The following CRBN variants were observed in gnomAD, a reference collection of about 807,000 sequenced individuals.
CRBN encodes the protein cereblon.
A neutral mutation model predicts 62.2 loss-of-function variants in CRBN; 53 were observed. The ratio of observed to expected loss-of-function variants is 0.85; its 90% confidence interval spans 0.68 to 1.07. CRBN has a LOEUF of 1.07. CRBN is among the 50% of genes least tolerant of loss of function. The pLI is 0.00. For synonymous variants in CRBN, 208 were observed against 176.1 expected, an observed-to-expected ratio of 1.18 and a Z score of -1.43; for missense variants, 616 against 531.1, an observed-to-expected ratio of 1.16 and a Z score of -1.57.
At chr3:3,160,489 C>T (rs1045778066) in intron 5 of CRBN, among the ~76,000 whole-genome samples, 7 of 152,178 alleles carry the variant, frequency 4.6e-5, no homozygotes, top group Admixed American at 1.3e-4. Context: ...GAGGCTTATA[C>T]GCTAATGGCA....
Position 3,150,856 on chromosome 3 carries a change from C to T in CRBN, c.*9G>A. 3.7e-6 allele frequency: 6 copies of T among 1,612,106 alleles called. No individual in the cohort carries two copies. The highest frequency in any genetic ancestry group is 5.1e-6 in the Non-Finnish European group (6 of 1,178,756). ...ATTTGTTAGATAACTTTATCTCTATCACATCTGTTTACAAGCAAAGTATTA... is the reference window on the plus strand; with the variant it reads ...ATTTGTTAGATAACTTTATCTCTATTACATCTGTTTACAAGCAAAGTATTA... On this transcript the variant is annotated 3_prime_UTR_variant, in exon 11 of 11. Coordinates refer to ENST00000231948, the MANE Select transcript of CRBN (RefSeq NM_016302.4).
intron 5 of CRBN, among the ~76,000 whole-genome samples, chr3:3,157,875 T>G (rs1428518400): frequency 1.3e-5 from 2 of 152,198 alleles, no homozygotes; most frequent in Non-Finnish European, 2.9e-5. Context: ...AAAGGGAATG[T>G]CTTGTTACCA....
At chr3:3,160,286 C>T (rs1374970270) in intron 5 of CRBN, among the ~76,000 whole-genome samples, 4 of 152,206 alleles carry the variant, frequency 2.6e-5, no homozygotes, top group African/African-American at 9.7e-5. Flanking sequence ...ATCACTACCA[C>T]TGACTTCCTT....
At chr3:3,156,503 T>C in intron 5 of CRBN, 1 of 554,394 alleles carries the variant, frequency 1.8e-6, no homozygotes, top group Admixed American at 3.3e-5. Flanking sequence ...TCATTCCTAT[T>C]TAAAAAGGTC....
intron 6 of CRBN, 74 bp downstream of exon 6, chr3:3,156,145 C>T: frequency 7.9e-7 from 1 of 1,273,270 alleles, no homozygotes; most frequent in Non-Finnish European, 1.1e-6. Context: ...AAAAACTAAA[C>T]CTTTGTTTTT....
At chr3:3,154,301 A>G (rs1706779988) in intron 7 of CRBN, 1 of 539,444 alleles carries the variant, frequency 1.9e-6, no homozygotes, top group Non-Finnish European at 3.3e-6. Context: ...CTTTTATGTT[A>G]AACATGAACT....
rs1360875656 is a variant in CRBN at position 3,150,870 on chromosome 3, A to G, written c.1324T>C (p.Leu442=). Residue 442 remains leucine, a synonymous_variant, in exon 11 of 11, where the codon TTG becomes CTG. Transcript: ENST00000231948. ...TTTATCTCTATCACATCTGTTTACA[A>G]GCAAAGTATTACTTTGTCTGGACTT... ...EISPDKVILC[L] The G allele has an allele frequency of 6.2e-7, 1 of 1,613,404 alleles. No individual in the cohort carries two copies. The highest frequency in any genetic ancestry group is 1.7e-5 in the Admixed American group (1 of 59,918).
chr3:3,168,265 G>A (rs1042882085), intron 4 of CRBN, among the ~76,000 whole-genome samples: 19 of 152,134 alleles, frequency 1.2e-4, no homozygotes, highest in Non-Finnish European at 7.4e-5. Flanking sequence ...AATCAAGAAT[G>A]CATTTACATG....
intron 4 of CRBN, 30 bp from the exon 5 acceptor site, chr3:3,167,823 C>G (rs1707410775): frequency 6.2e-7 from 1 of 1,607,866 alleles, no homozygotes; most frequent in Non-Finnish European, 8.5e-7. Context: ...GCATGGTATT[C>G]ATTTCTAAGA....
At chr3:3,178,525 C>T (rs781099550) in intron 1 of CRBN, among the ~76,000 whole-genome samples, 1 of 152,200 alleles carries the variant, frequency 6.6e-6, no homozygotes, top group Non-Finnish European at 1.5e-5. Context: ...TTATGTCCCA[C>T]AACCATATCC....
Position 3,168,500 on chromosome 3 carries a change from G to A in CRBN, c.528-707C>T, listed in dbSNP as rs150679938. ...GTGCAAACAGGAAGGTTGTATCTAT[G>A]AGCTATCTTCCTGTGAGGCATTCTA... is the stretch of plus-strand genomic sequence containing the variant. On this transcript the variant is annotated intron_variant, in intron 4 of 10. Coordinates refer to ENST00000231948, the MANE Select transcript of CRBN (RefSeq NM_016302.4). Among the ~76,000 whole-genome samples the A allele has an allele frequency of 7.7e-3, 1,170 of 152,196 alleles. 12 individuals carry two copies. Among genetic ancestry groups the A allele is most frequent in the African/African-American group, 0.027 (1,104 of 41,542 alleles).
rs1382508167 is a variant in CRBN at position 3,175,195 on chromosome 3, T to G, written c.142A>C (p.Asn48His). 6.2e-7 allele frequency: 1 copy of G among 1,613,532 alleles called. No homozygotes were observed. The highest frequency in any genetic ancestry group is 8.5e-7 in the Non-Finnish European group (1 of 1,179,518). Residue 48 changes from asparagine (N) to histidine (H), a missense_variant, in exon 2 of 11, where the codon AAT becomes CAT. By Grantham distance (68) the Asn-to-His change is moderately conservative. Transcript: ENST00000231948. ...SKEAKKPNIINFDTSLPTSHT... is the reference protein window; with the variant it reads ...SKEAKKPNIIHFDTSLPTSHT... ...GATGTCGGCAGACTGGTGTCAAAAT[T>G]TATGATGTTTGGTTTTTTGGCTTCT...
rs148710715 is a variant in CRBN at position 3,177,060 on chromosome 3, G to C, written c.68-1791C>G. Among the ~76,000 whole-genome samples the C allele has an allele frequency of 1.6e-4, 25 of 152,246 alleles. No homozygotes were observed. In the East Asian group the frequency reaches 3.9e-3, roughly 24 times the overall value. ...TCCTACTGGCATCTAGTGGGTAGAG[G>C]CCAGGGATGCAGCTAAATATCCTAC... On this transcript the variant is annotated intron_variant, in intron 1 of 10. Coordinates refer to ENST00000231948, the MANE Select transcript of CRBN (RefSeq NM_016302.4).
intron 9 of CRBN, chr3:3,152,827 T>C (rs780436189): frequency 1.8e-6 from 1 of 546,266 alleles, no homozygotes; most frequent in Non-Finnish European, 3.3e-6. Context: ...GAAATAGTAC[T>C]TGTTTTTAAA....
chr3:3,169,578 A>C (rs566099100), intron 4 of CRBN, among the ~76,000 whole-genome samples: 33 of 152,328 alleles, frequency 2.2e-4, no homozygotes, highest in African/African-American at 7.2e-4. Flanking sequence ...TAAACTGTGG[A>C]TAATGTACAA....
chr3:3,153,548 A>G, intron 8 of CRBN, 60 bp from the exon 9 acceptor site: 6 of 888,614 alleles, frequency 6.8e-6, no homozygotes, highest in Non-Finnish European at 1.2e-5. Context: ...TTATCATGTA[A>G]TCACATAGAT....
At position 3,174,181 on chromosome 3, in the gene CRBN, T is replaced by C. The variant is rs1372218265; in HGVS notation, c.255A>G (p.Pro85=). Reference sequence around the variant, plus strand: ...CGGGAATCAGGATCATCATCACTTGTGGAAGAACTGGAATCACCTGACAGC... The same window carrying C: ...CGGGAATCAGGATCATCATCACTTGCGGAAGAACTGGAATCACCTGACAGC... The part of the protein sequence containing the change: ...DDSCQVIPVL[P]QVMMILIPGQ... The change falls in exon 3 of 11, where the codon CCA becomes CCG. Residue 85 remains proline (P), a synonymous_variant. Transcript: ENST00000231948. 3.7e-6 allele frequency: 6 copies of C among 1,614,190 alleles called. No individual in the cohort carries two copies. The highest frequency in any genetic ancestry group is 1.6e-4 in the Middle Eastern group (1 of 6,062).
At chr3:3,157,082 T>G (rs982110898) in intron 5 of CRBN, among the ~76,000 whole-genome samples, 1 of 152,148 alleles carries the variant, frequency 6.6e-6, no homozygotes, top group Admixed American at 6.5e-5. Flanking sequence ...TAATTTAAAG[T>G]TCGTTTGGAA....
intron 10 of CRBN, among the ~76,000 whole-genome samples, chr3:3,151,607 T>C (rs1006245655): frequency 6.6e-6 from 1 of 152,256 alleles, no homozygotes; most frequent in African/African-American, 2.4e-5. Context: ...CCTTATTTTT[T>C]TCCCTAGGTA....
Sources: gnomAD v4.1 joint callset for allele counts (sites outside exome capture counted in the v4.1 genomes callset) on GRCh38, gnomAD v4.1.1 for gene constraint, MANE v1.5 for transcripts, NCBI Gene and HGNC (gene_info 2026-07-23, HGNC 2026-07-21) for gene names.